Variants in CCAR1 observed in about 807,000 individuals in gnomAD.
CCAR1 encodes the protein cell division cycle and apoptosis regulator 1, also known as cell division cycle and apoptosis regulator protein 1.
A neutral mutation model predicts 163.8 loss-of-function variants in CCAR1; 78 were observed. The observed-to-expected ratio is 0.48, with a 90% CI of 0.40 to 0.57. The LOEUF (loss-of-function observed/expected upper bound fraction) is 0.57, where lower values mean the gene tolerates loss of function less well. CCAR1 is among the 20% of genes least tolerant of loss of function. The probability of loss-of-function intolerance (pLI) is 0.00; values close to 1 mark genes in which losing one functional copy is unlikely to be tolerated. For synonymous variants in CCAR1, 443 were observed against 460.7 expected, an observed-to-expected ratio of 0.96 and a Z score of 0.49; for missense variants, 1,019 against 1,365.2, an observed-to-expected ratio of 0.75 and a Z score of 4.00.
chr10:68,786,484 CT>C, intron 20 of CCAR1, 61 bp from the exon 21 acceptor site: 1 of 1,231,658 alleles, frequency 8.1e-7, no homozygotes. Context: ...CCGTTTCTCA[CT>C]TTTTGGGGGT....
intron 2 of CCAR1, among the ~76,000 whole-genome samples, chr10:68,727,991 C>T (rs1026688082): frequency 2.0e-5 from 3 of 152,044 alleles, no homozygotes; most frequent in Non-Finnish European, 4.4e-5. Flanking sequence ...GGCTTGCTAC[C>T]ATACCCGGCT....
intron 16 of CCAR1, among the ~76,000 whole-genome samples, chr10:68,765,400 G>A (rs952234557): frequency 1.3e-4 from 20 of 151,936 alleles, no homozygotes; most frequent in African/African-American, 4.6e-4. Flanking sequence ...TGCTTTCTTT[G>A]GACACATTCA....
In CCAR1 at chr10:68,773,105, A is replaced by T. The variant is rs765503022; in HGVS notation, c.2650+6A>T. 4.5e-6 allele frequency: 6 copies of T among 1,338,950 alleles called. No homozygotes were observed. The South Asian group carries it at 6.5e-5, about 15-fold the overall frequency. 82.9% of individuals were successfully genotyped at this position (1,338,950 alleles called of 1,614,324 possible). A position where few individuals can be genotyped will look rare whatever the true frequency, so the allele number is the denominator to read the frequency against. On this transcript the variant is annotated splice_donor_region_variant and intron_variant, in intron 19 of 24. Coordinates refer to ENST00000265872, the MANE Select transcript of CCAR1 (RefSeq NM_018237.4). ...AGCTGAGGATGAAGAAGATGGTATGATTGAAATTTATTTATTACTTCTTAG... is the reference window on the plus strand; with the variant it reads ...AGCTGAGGATGAAGAAGATGGTATGTTTGAAATTTATTTATTACTTCTTAG...
chr10:68,734,379 A>C (rs1289922241), intron 2 of CCAR1, among the ~76,000 whole-genome samples: 1 of 152,102 alleles, frequency 6.6e-6, no homozygotes, highest in Non-Finnish European at 1.5e-5. Context: ...CCATTGAGAA[A>C]ATTGGGCTGA....
At chr10:68,775,475 T>A (rs1170060844) in intron 19 of CCAR1, among the ~76,000 whole-genome samples, 1 of 150,492 alleles carries the variant, frequency 6.6e-6, no homozygotes, top group Admixed American at 6.7e-5. Context: ...TTTGTTAGTG[T>A]TCCAGCTGTC....
intron 19 of CCAR1, among the ~76,000 whole-genome samples, chr10:68,783,285 G>A (rs1241144722): frequency 6.6e-6 from 1 of 151,962 alleles, no homozygotes; most frequent in African/African-American, 2.4e-5. Context: ...CGCCTCCCAG[G>A]TTCATGCCAT....
intron 2 of CCAR1, among the ~76,000 whole-genome samples, chr10:68,723,664 T>C (rs932908514): frequency 4.1e-5 from 6 of 145,504 alleles, no homozygotes; most frequent in Non-Finnish European, 9.0e-5. Flanking sequence ...CTGGCTTACA[T>C]GGTGTAACCC....
intron 4 of CCAR1, among the ~76,000 whole-genome samples, chr10:68,739,430 T>C (rs1008979905): frequency 2.0e-5 from 3 of 152,160 alleles, no homozygotes; most frequent in African/African-American, 7.2e-5. Flanking sequence ...ATTACAGGCG[T>C]GAGGCACTGC....
chr10:68,761,205 T>C lies in CCAR1; in HGVS notation c.2106+13T>C, dbSNP rs2056465551. On this transcript the variant is annotated intron_variant, in intron 16 of 24. Transcript: ENST00000265872. Reference sequence around the variant, plus strand: ...AGACGATAAAGAGGTATGTACTCAATCTATTATTATACTCTATGGTATTAA... The same window carrying C: ...AGACGATAAAGAGGTATGTACTCAACCTATTATTATACTCTATGGTATTAA... The C allele has an allele frequency of 6.6e-7, 1 of 1,522,018 alleles. No homozygotes were observed. The highest frequency in any genetic ancestry group is 2.3e-5 in the East Asian group (1 of 43,974). The allele number at this position is 1,522,018 out of a possible 1,614,324, so 94.3% of individuals were successfully genotyped here.
At chr10:68,746,452 ACTC>A (rs1429002290) in intron 6 of CCAR1, among the ~76,000 whole-genome samples, 1 of 149,128 alleles carries the variant, frequency 6.7e-6, no homozygotes, top group African/African-American at 2.5e-5. Context: ...CTGGTCTTGA[ACTC>A]CTGACCATGT....
chr10:68,782,124 G>A (rs1205489398), intron 19 of CCAR1, among the ~76,000 whole-genome samples: 1 of 152,122 alleles, frequency 6.6e-6, no homozygotes, highest in East Asian at 1.9e-4. Context: ...AGAATAGAAG[G>A]TCACACCAGT....
At chr10:68,783,211 A>G (rs1229890976) in intron 19 of CCAR1, among the ~76,000 whole-genome samples, 1 of 151,316 alleles carries the variant, frequency 6.6e-6, no homozygotes, top group Non-Finnish European at 1.5e-5. Context: ...ATTTTTTGAG[A>G]CGGAGTCTTG....
chr10:68,749,291 A>C, intron 9 of CCAR1, 26 bp downstream of exon 9: 1 of 1,577,104 alleles, frequency 6.3e-7, no homozygotes, highest in Non-Finnish European at 8.6e-7. Context: ...TGTACTGTGG[A>C]TGGTGGCAAT....
At chr10:68,766,267 A>T (rs957738384) in intron 17 of CCAR1, among the ~76,000 whole-genome samples, 188 bp downstream of exon 17, 5 of 151,830 alleles carry the variant, frequency 3.3e-5, no homozygotes, top group Non-Finnish European at 5.9e-5. Context: ...CATTGGCATG[A>T]TGGTGGCTCA....
intron 17 of CCAR1, 117 bp from the exon 18 acceptor site, chr10:68,771,089 A>T: frequency 6.1e-6 from 5 of 818,260 alleles, no homozygotes; most frequent in South Asian, 2.0e-5. Flanking sequence ...AAAAAAAAAA[A>T]GTTTGATAAG....
chr10:68,776,235 T>TTTTTC (rs369626493), intron 19 of CCAR1, among the ~76,000 whole-genome samples: 30 of 151,642 alleles, frequency 2.0e-4, no homozygotes, highest in Admixed American at 8.5e-4. Flanking sequence ...TCTAATTTTC[T>TTTTTC]TTTTCTTTTC....
intron 19 of CCAR1, among the ~76,000 whole-genome samples, chr10:68,779,950 G>A (rs2056715515): frequency 6.6e-6 from 1 of 152,152 alleles, no homozygotes; most frequent in Admixed American, 6.6e-5. Flanking sequence ...GTGTTGATAA[G>A]TGTGTATATA....
At chr10:68,723,746 G>C (rs545871047) in intron 2 of CCAR1, among the ~76,000 whole-genome samples, 19 of 151,908 alleles carry the variant, frequency 1.3e-4, no homozygotes, top group African/African-American at 4.6e-4. Flanking sequence ...TACTCGGGAT[G>C]CTGAGGCAGG....
intron 6 of CCAR1, among the ~76,000 whole-genome samples, chr10:68,744,823 C>G (rs968929666): frequency 1.3e-5 from 2 of 150,440 alleles, no homozygotes; most frequent in African/African-American, 4.9e-5. Context: ...GGAGGTATAT[C>G]TACTTAACTC....
Sources: allele counts gnomAD v4.1 joint callset (sites outside exome capture counted in the v4.1 genomes callset), GRCh38; gene constraint gnomAD v4.1.1; transcripts MANE v1.5; gene names NCBI Gene and HGNC (gene_info 2026-07-23, HGNC 2026-07-21).